POU6F2: variants seen among roughly 807,000 people sequenced by gnomAD.
POU6F2 encodes POU domain, class 6, transcription factor 2.
A neutral mutation model predicts 71.3 loss-of-function variants in POU6F2; 31 were observed. The observed-to-expected ratio is 0.43, with a 90% CI of 0.33 to 0.59. The LOEUF (loss-of-function observed/expected upper bound fraction) is 0.59, where lower values mean the gene tolerates loss of function less well. Ranked by LOEUF, POU6F2 falls within the 20% of genes least tolerant of loss-of-function variation. The pLI is 0.04. For synonymous variants in POU6F2, 347 were observed against 355.7 expected (o/e 0.98, Z 0.27); for missense variants, 783 against 856.8 (o/e 0.91, Z 1.07).
chr7:39,092,308 G>T (rs555270376), intron 2 of POU6F2, among the ~76,000 whole-genome samples: 1 of 152,232 alleles, frequency 6.6e-6, no homozygotes, highest in South Asian at 2.1e-4. Flanking sequence ...TTAATATCCA[G>T]CCTGGCTCTG....
intron 2 of POU6F2, among the ~76,000 whole-genome samples, chr7:39,202,307 C>T (rs955772264): frequency 9.6e-4 from 146 of 152,236 alleles, no homozygotes; most frequent in East Asian, 1.7e-3. Context: ...GACAGAAGGG[C>T]TTGGCATGGT....
chr7:39,304,097 A>T (rs1785006317), intron 4 of POU6F2, among the ~76,000 whole-genome samples: 1 of 152,190 alleles, frequency 6.6e-6, no homozygotes, highest in South Asian at 2.1e-4. Context: ...ATAAAGGAAA[A>T]TTTTCAATGA....
intron 1 of POU6F2, among the ~76,000 whole-genome samples, chr7:38,993,902 T>G (rs1788671219): frequency 6.6e-6 from 1 of 152,088 alleles, no homozygotes; most frequent in Non-Finnish European, 1.5e-5. Context: ...GCTCAGTCAT[T>G]CCTTAGTACC....
At chr7:39,119,856 C>A (rs971972411) in intron 2 of POU6F2, among the ~76,000 whole-genome samples, 1 of 152,136 alleles carries the variant, frequency 6.6e-6, no homozygotes, top group South Asian at 2.1e-4. Context: ...ATATGTCATA[C>A]CTGGTTCAAA....
chr7:38,988,674 G>T (rs1025661212), intron 1 of POU6F2, among the ~76,000 whole-genome samples: 11 of 152,180 alleles, frequency 7.2e-5, no homozygotes, highest in Middle Eastern at 3.4e-3. Context: ...TAATCCTCAC[G>T]CCAGGTCTGT....
chr7:38,979,056 G>C (rs1394652432), intron 1 of POU6F2, among the ~76,000 whole-genome samples: 1 of 152,110 alleles, frequency 6.6e-6, no homozygotes, highest in Non-Finnish European at 1.5e-5. Flanking sequence ...TATGATGGGG[G>C]TGGGGTAAGG....
chr7:39,078,771 C>T (rs1367059493), intron 1 of POU6F2, among the ~76,000 whole-genome samples: 1 of 152,206 alleles, frequency 6.6e-6, no homozygotes, highest in African/African-American at 2.4e-5. Flanking sequence ...AGAGAGGCAG[C>T]TACTTTCAGG....
chr7:39,367,705 A>G (rs1786530293), intron 5 of POU6F2, among the ~76,000 whole-genome samples: 1 of 152,074 alleles, frequency 6.6e-6, no homozygotes, highest in Non-Finnish European at 1.5e-5. Flanking sequence ...GGCAGTTTTT[A>G]CAAATTGAAG....
At chr7:39,169,616 A>G (rs1793177127) in intron 2 of POU6F2, among the ~76,000 whole-genome samples, 1 of 152,182 alleles carries the variant, frequency 6.6e-6, no homozygotes, top group Non-Finnish European at 1.5e-5. Flanking sequence ...GACTTGAACT[A>G]AATATACCTA....
Position 39,316,082 on chromosome 7 carries a change from G to A in POU6F2, c.599-23560G>A, listed in dbSNP as rs1785262222. 2.6e-5 allele frequency among the ~76,000 whole-genome samples: 4 copies of A among 152,150 alleles called. 1 individual carries two copies. The highest frequency in any genetic ancestry group is 4.1e-4 in the South Asian group (2 of 4,828). On this transcript the variant is annotated intron_variant, in intron 4 of 9. Coordinates refer to ENST00000518318, the MANE Select transcript of POU6F2 (RefSeq NM_001370959.1). Reference sequence around the variant, plus strand: ...GTAGCAGTAGGAGTAACAGCAATGAGAGTGGTCACAGTCAGACCAGGAATA... The same window carrying A: ...GTAGCAGTAGGAGTAACAGCAATGAAAGTGGTCACAGTCAGACCAGGAATA...
chr7:39,148,079 C>T (rs1309048704), intron 2 of POU6F2, among the ~76,000 whole-genome samples: 1 of 152,216 alleles, frequency 6.6e-6, no homozygotes, highest in Non-Finnish European at 1.5e-5. Context: ...CCTCTCAGGA[C>T]AAGAGAAACC....
chr7:39,261,753 G>T (rs993367855), intron 4 of POU6F2, among the ~76,000 whole-genome samples: 1 of 152,092 alleles, frequency 6.6e-6, no homozygotes, highest in African/African-American at 2.4e-5. Flanking sequence ...GTAGTTCTGT[G>T]ATTTGTTTTC....
chr7:39,101,845 T>C (rs535179533), intron 2 of POU6F2, among the ~76,000 whole-genome samples: 1 of 152,198 alleles, frequency 6.6e-6, no homozygotes, highest in South Asian at 2.1e-4. Context: ...ATATATATGG[T>C]TATTATTAGT....
At chr7:39,245,001 G>GA (rs1213362330) in intron 4 of POU6F2, among the ~76,000 whole-genome samples, 1 of 152,178 alleles carries the variant, frequency 6.6e-6, no homozygotes, top group African/African-American at 2.4e-5. Flanking sequence ...AGCAGCCCAT[G>GA]AAAAAAGCTA....
At chr7:39,175,140 G>A (rs1191685857) in intron 2 of POU6F2, among the ~76,000 whole-genome samples, 1 of 151,820 alleles carries the variant, frequency 6.6e-6, no homozygotes, top group South Asian at 2.1e-4. Context: ...CCCTTGAATG[G>A]GTGCCCTTTT....
At chr7:39,118,415 A>G (rs953798833) in intron 2 of POU6F2, among the ~76,000 whole-genome samples, 1 of 151,134 alleles carries the variant, frequency 6.6e-6, no homozygotes, top group African/African-American at 2.4e-5. Context: ...AAACTTGGAG[A>G]AAAAAAAATC....
At chr7:39,168,928 G>A (rs1168495381) in intron 2 of POU6F2, among the ~76,000 whole-genome samples, 1 of 152,200 alleles carries the variant, frequency 6.6e-6, no homozygotes, top group Non-Finnish European at 1.5e-5. Context: ...CCATTTCAAA[G>A]CAATGGTCAT....
At position 39,367,226 on chromosome 7, in the gene POU6F2, C is replaced by T. The variant is rs1448580401; in HGVS notation, c.972+27211C>T. Among the ~76,000 whole-genome samples, 3 of 152,088 alleles carry T rather than the reference C, an allele frequency of 2.0e-5. No individual in the cohort carries two copies. In the East Asian group the frequency reaches 5.8e-4, roughly 29 times the overall value. On this transcript the variant is annotated intron_variant, in intron 5 of 9. Transcript: ENST00000518318. ...CTTTCCTCGTCTCAGTCAAAATATT[C>T]ATATATATTTAAATTTGAACCTTTA... is the stretch of plus-strand genomic sequence containing the variant.
rs905378747 is a variant in POU6F2 at position 39,464,145 on chromosome 7, C to T, written c.1659-37C>T. ...AGGAGGCCCACCCTGGCAGAGGACT[C>T]AGTGTAAGACTGTTCTTTCTCAATT... On this transcript the variant is annotated intron_variant, in intron 9 of 9. Transcript: ENST00000518318. The surrounding 1 kb of genome is among the most constrained non-coding windows in gnomAD (Gnocchi z 4.1). 10 of 1,579,974 alleles carry T rather than the reference C, an allele frequency of 6.3e-6. No individual in the cohort carries two copies. The African/African-American group carries it at 1.1e-4, about 17-fold the overall frequency.
Sources: allele counts gnomAD v4.1 joint callset (sites outside exome capture counted in the v4.1 genomes callset), GRCh38; gene constraint gnomAD v4.1.1; non-coding constraint Gnocchi (gnomAD v3.1); transcripts MANE v1.5; gene names NCBI Gene and HGNC (gene_info 2026-07-23, HGNC 2026-07-21).